RANBP17: variants seen among roughly 807,000 people sequenced by gnomAD.
The protein encoded by RANBP17 is ran-binding protein 17.
In RANBP17, 158 loss-of-function variants were observed where a neutral mutation model predicts 141.2. The observed-to-expected ratio is 1.12, with a 90% CI of 0.98 to 1.28. RANBP17 has a LOEUF of 1.28. Ranked by LOEUF, RANBP17 falls within the 50% of genes most tolerant of loss-of-function variation. The probability of loss-of-function intolerance (pLI) is 0.00; values close to 1 mark genes in which losing one functional copy is unlikely to be tolerated. For synonymous variants in RANBP17, 430 were observed against 450.0 expected, an observed-to-expected ratio of 0.96 and a Z score of 0.56; for missense variants, 1,438 against 1,290.7, an observed-to-expected ratio of 1.11 and a Z score of -1.75.
At chr5:170,991,680 T>C (rs553545623) in intron 14 of RANBP17, among the ~76,000 whole-genome samples, 1 of 151,998 alleles carries the variant, frequency 6.6e-6, no homozygotes, top group Non-Finnish European at 1.5e-5. Flanking sequence ...ATCAGTTTCC[T>C]AACCTGTCAA....
chr5:171,044,382 A>G (rs949173515), intron 14 of RANBP17, among the ~76,000 whole-genome samples: 1 of 151,990 alleles, frequency 6.6e-6, no homozygotes, highest in African/African-American at 2.4e-5. Flanking sequence ...AATAAGGAAG[A>G]ATTTTTTATG....
chr5:171,235,795 T>C (rs980190177), intron 22 of RANBP17, among the ~76,000 whole-genome samples: 5 of 152,080 alleles, frequency 3.3e-5, no homozygotes, highest in Non-Finnish European at 5.9e-5. Flanking sequence ...AATTTTGCCA[T>C]GTTGCCCAGG....
chr5:170,973,234 T>C (rs898126349), intron 14 of RANBP17, among the ~76,000 whole-genome samples: 8 of 152,348 alleles, frequency 5.3e-5, no homozygotes, highest in South Asian at 4.1e-4. Flanking sequence ...CAGCATATGA[T>C]GAAATGAAGA....
intron 23 of RANBP17, among the ~76,000 whole-genome samples, chr5:171,242,159 C>A (rs1250897637): frequency 1.3e-5 from 2 of 152,036 alleles, no homozygotes; most frequent in African/African-American, 4.8e-5. Context: ...TTCTTTGATA[C>A]TGGTTTGGAT....
intron 24 of RANBP17, among the ~76,000 whole-genome samples, chr5:171,261,200 G>A (rs1401064590): frequency 6.7e-6 from 1 of 149,386 alleles, no homozygotes; most frequent in Non-Finnish European, 1.5e-5. Context: ...AACCTTGTAT[G>A]TGTTGGGTGC....
At chr5:170,976,940 T>C (rs1777421850) in intron 14 of RANBP17, among the ~76,000 whole-genome samples, 1 of 152,054 alleles carries the variant, frequency 6.6e-6, no homozygotes, top group Non-Finnish European at 1.5e-5. Flanking sequence ...CTTTGGACAA[T>C]GGTTTCTTAG....
chr5:171,233,888 T>A (rs1764362849), intron 22 of RANBP17, among the ~76,000 whole-genome samples: 1 of 152,198 alleles, frequency 6.6e-6, no homozygotes, highest in Non-Finnish European at 1.5e-5. Flanking sequence ...AACTATGACA[T>A]TGACTGATAA....
chr5:171,129,147 C>T (rs770838166), intron 14 of RANBP17, among the ~76,000 whole-genome samples: 1 of 152,008 alleles, frequency 6.6e-6, no homozygotes, highest in Non-Finnish European at 1.5e-5. Context: ...TTAACCTCAA[C>T]GTTGAAAGGG....
At chr5:170,887,171 T>C (rs1282363277) in intron 3 of RANBP17, among the ~76,000 whole-genome samples, 1 of 152,200 alleles carries the variant, frequency 6.6e-6, no homozygotes, top group East Asian at 1.9e-4. Context: ...AAGAGTTCTT[T>C]GTGCAGTTTG....
chr5:171,250,449 C>T (rs939531797), intron 24 of RANBP17, among the ~76,000 whole-genome samples: 3 of 151,992 alleles, frequency 2.0e-5, no homozygotes, highest in African/African-American at 7.2e-5. Context: ...AACCAGAAAA[C>T]AATTAACAAT....
intron 12 of RANBP17, among the ~76,000 whole-genome samples, chr5:170,932,719 T>A (rs996689828): frequency 1.1e-4 from 16 of 152,150 alleles, no homozygotes; most frequent in Admixed American, 9.8e-4. Flanking sequence ...ATTTATTGAT[T>A]TGCATATGTT....
chr5:171,069,032 T>C lies in RANBP17; in HGVS notation c.1710+100655T>C, dbSNP rs138266943. Among the ~76,000 whole-genome samples the C allele has an allele frequency of 9.5e-4, 144 of 152,338 alleles. 2 individuals carry two copies. The highest frequency in any genetic ancestry group is 3.4e-3 in the African/African-American group (142 of 41,570). ...TGTGGTCACTGAGGTCTCTATTTCA[T>C]ATTCTCTACAGCCAGCTGGTGACCT... On this transcript the variant is annotated intron_variant, in intron 14 of 27. Transcript: ENST00000523189.
chr5:170,955,645 A>AGTGTGT (rs1461257224), intron 13 of RANBP17, among the ~76,000 whole-genome samples: 1 of 34,134 alleles, frequency 2.9e-5, no homozygotes, highest in Non-Finnish European at 5.1e-5. Flanking sequence ...ATATATGCTC[A>AGTGTGT]GTGTATATAT....
intron 14 of RANBP17, among the ~76,000 whole-genome samples, chr5:171,079,531 A>C (rs1439698378): frequency 6.6e-6 from 1 of 152,178 alleles, no homozygotes; most frequent in Non-Finnish European, 1.5e-5. Context: ...CAGTGCAGCA[A>C]ATTTCAATGT....
chr5:170,999,948 A>T (rs562057330), intron 14 of RANBP17, among the ~76,000 whole-genome samples: 1 of 152,298 alleles, frequency 6.6e-6, no homozygotes, highest in Admixed American at 6.5e-5. Context: ...TTATTGTCTC[A>T]GTGATTGTGA....
intron 14 of RANBP17, among the ~76,000 whole-genome samples, chr5:171,068,001 A>G (rs1005719050): frequency 6.6e-6 from 1 of 151,262 alleles, no homozygotes; most frequent in Non-Finnish European, 1.5e-5. Context: ...TCCTTCTTTA[A>G]TTCTCATAAT....
intron 5 of RANBP17, among the ~76,000 whole-genome samples, chr5:170,902,847 C>T (rs913032610): frequency 7.2e-5 from 11 of 152,184 alleles, no homozygotes; most frequent in South Asian, 2.1e-4. Flanking sequence ...GTATCACCAG[C>T]GGAGGCTGCA....
intron 5 of RANBP17, among the ~76,000 whole-genome samples, chr5:170,909,298 T>C (rs1457055418): frequency 6.6e-6 from 1 of 151,900 alleles, no homozygotes. Context: ...AGTTTTCTTA[T>C]TCATAGACAA....
chr5:171,001,087 G>A (rs1439196899), intron 14 of RANBP17, among the ~76,000 whole-genome samples: 3 of 152,138 alleles, frequency 2.0e-5, no homozygotes, highest in Admixed American at 2.0e-4. Context: ...GTGGTGAAGT[G>A]TTGGAGCAGT....
Sources: gnomAD v4.1 joint callset for allele counts (sites outside exome capture counted in the v4.1 genomes callset) on GRCh38, gnomAD v4.1.1 for gene constraint, MANE v1.5 for transcripts, NCBI Gene and HGNC (gene_info 2026-07-23, HGNC 2026-07-21) for gene names.